The following SHPRH variants were observed in gnomAD, a reference collection of about 807,000 sequenced individuals.
The protein encoded by SHPRH is E3 ubiquitin-protein ligase SHPRH.
In SHPRH, 106 loss-of-function variants were observed where a neutral mutation model predicts 202.5. The ratio of observed to expected loss-of-function variants is 0.52; its 90% CI spans 0.45 to 0.62. The LOEUF is 0.62. Among genes scored for constraint, SHPRH ranks in the 20% least tolerant of loss-of-function variants. The pLI is 0.00. For synonymous variants in SHPRH, 729 were observed against 686.0 expected, an observed-to-expected ratio of 1.06 and a Z score of -0.98; for missense variants, 1,710 against 2,020.0, an observed-to-expected ratio of 0.85 and a Z score of 2.94.
In SHPRH at chr6:145,948,389, T is replaced by G. The variant is rs1787618207; in HGVS notation, c.983-39A>C. 6 of 1,500,788 alleles carry G rather than the reference T, an allele frequency of 4.0e-6. No individual in the cohort carries two copies. In the South Asian group the frequency reaches 7.3e-5, roughly 18 times the overall value. 93.0% of individuals were successfully genotyped at this position (1,500,788 alleles called of 1,614,324 possible). ...TAATCATAATAACAAATTTTTGTTT[T>G]CCCTTCAGTCAGATAATCACATTAA... On this transcript the variant is annotated intron_variant, in intron 4 of 29. Transcript: ENST00000275233.
At position 145,947,507 on chromosome 6, in the gene SHPRH, G is replaced by C. The variant is rs776000534; in HGVS notation, c.1198C>G (p.Leu400Val). ...HTRQDVKQDA[L>V]TLPEGKVVNY... ...TACCCTCCTACCTCGGGAAGAGTGA[G>C]AGCATCTTGCTTGACATCTTGTCGA... The change falls in exon 6 of 30, where the codon CTC becomes GTC. Residue 400 changes from leucine to valine, a missense_variant. This residue lies in a region of SHPRH where 348 missense variants were observed against 356.9 expected (regional missense o/e 0.97). Coordinates refer to ENST00000275233, the MANE Select transcript of SHPRH (RefSeq NM_001042683.3). 3.8e-5 allele frequency: 61 copies of C among 1,612,510 alleles called. No homozygotes were observed. The highest frequency in any genetic ancestry group is 4.9e-5 in the Non-Finnish European group (58 of 1,179,072).
chr6:145,909,102 T>C (rs541131307), intron 25 of SHPRH: 2 of 152,284 alleles, frequency 1.3e-5, no homozygotes, highest in East Asian at 3.9e-4. Context: ...CATTCGCCTA[T>C]ATGTCTGTTT....
downstream of SHPRH, among the ~76,000 whole-genome samples, chr6:145,881,814 GA>G (rs1438805929): frequency 6.6e-6 from 1 of 151,978 alleles, no homozygotes; most frequent in East Asian, 1.9e-4. Context: ...GAAAGGAAGG[GA>G]AAAAAAGAGA....
At position 145,952,337 on chromosome 6, in the gene SHPRH, T is replaced by C. The variant is rs1334475044; in HGVS notation, c.763+12A>G. ...AAGTAATAGCAATTTTTAAGTTTAC[T>C]GTAAATATTACCTGGAATAATAGAA... is the stretch of plus-strand genomic sequence containing the variant. On this transcript the variant is annotated intron_variant, in intron 3 of 29. Transcript: ENST00000275233. The C allele has an allele frequency of 6.3e-7, 1 of 1,583,732 alleles. No individual in the cohort carries two copies. Among genetic ancestry groups the C allele is most frequent in the Non-Finnish European group, 8.6e-7 (1 of 1,165,506 alleles).
At chr6:145,951,950 C>A (rs1369495981) in intron 3 of SHPRH, 1 of 454,640 alleles carries the variant, frequency 2.2e-6, no homozygotes, top group Non-Finnish European at 4.4e-6. Context: ...GCAAAGTTAT[C>A]TGGTCTTTAT....
In SHPRH at chr6:145,935,152, T is replaced by G. The variant is rs1785927382; in HGVS notation, c.2745A>C (p.Pro915=). The part of the protein sequence containing the change: ...KKDVIDQIQI[P]PQTEEIHWLH... ...GCCAGTGTATTTCTTCGGTTTGTGGTGGTATTTGGATCTGTGAAAAGGAGC... is the reference window on the plus strand; with the variant it reads ...GCCAGTGTATTTCTTCGGTTTGTGGGGGTATTTGGATCTGTGAAAAGGAGC... Residue 915 remains proline (P), a synonymous_variant, in exon 13 of 30, where the codon CCA becomes CCC. Coordinates refer to ENST00000275233, the MANE Select transcript of SHPRH (RefSeq NM_001042683.3). 1 of 1,613,082 alleles carries G rather than the reference T, an allele frequency of 6.2e-7. No homozygotes were observed. The highest frequency in any genetic ancestry group is 8.5e-7 in the Non-Finnish European group (1 of 1,179,840).
intron 2 of SHPRH, among the ~76,000 whole-genome samples, chr6:145,869,816 TTTC>T (rs1342790319): frequency 4.7e-4 from 61 of 131,118 alleles, no homozygotes; most frequent in Non-Finnish European, 8.6e-4. Flanking sequence ...TGGTTTTTCT[TTTC>T]TTTTTTTTTT....
intron 2 of SHPRH, among the ~76,000 whole-genome samples, chr6:145,865,713 G>A (rs570022276): frequency 3.9e-4 from 59 of 152,316 alleles, no homozygotes; most frequent in Non-Finnish European, 4.9e-4. Flanking sequence ...GCAGAGGCCC[G>A]GGCAATCTCT....
intron 11 of SHPRH, among the ~76,000 whole-genome samples, chr6:145,936,978 C>CTTTTTTTTTT (rs1206387630): frequency 8.0e-6 from 1 of 125,662 alleles, no homozygotes; most frequent in East Asian, 2.3e-4. Context: ...CATGCTTCAT[C>CTTTTTTTTTT]TTTTTTTTTT....
intron 25 of SHPRH, chr6:145,903,510 C>G (rs183289285): frequency 6.6e-6 from 1 of 152,016 alleles, no homozygotes; most frequent in Admixed American, 6.6e-5. Context: ...GATTTCTGGA[C>G]CACATCCCAG....
chr6:145,900,805 G>C (rs761513582), intron 25 of SHPRH, among the ~76,000 whole-genome samples: 1 of 152,004 alleles, frequency 6.6e-6, no homozygotes, highest in Admixed American at 6.6e-5. Context: ...AATTATTATA[G>C]TGTCTTTTAA....
intron 28 of SHPRH, among the ~76,000 whole-genome samples, chr6:145,889,128 A>G (rs1411622218): frequency 6.6e-6 from 1 of 152,140 alleles, no homozygotes; most frequent in Non-Finnish European, 1.5e-5. Flanking sequence ...CTGGGACAGG[A>G]GCTATATGGG....
At chr6:145,926,340 A>G (rs1221382804) in intron 15 of SHPRH, 44 bp from the exon 16 acceptor site, 2 of 1,504,568 alleles carry the variant, frequency 1.3e-6, no homozygotes, top group East Asian at 2.3e-5. Flanking sequence ...TCAATGCAGA[A>G]GACTCTGAAG....
rs1783407847 is a variant in SHPRH, at chr6:145,910,630, C to A, written c.4333G>T (p.Val1445Leu). The change falls in exon 25 of 30, where the codon GTA becomes TTA. Residue 1445 changes from valine (V) to leucine (L), a missense_variant. Transcript: ENST00000275233. The stretch of plus-strand genomic sequence containing the variant: ...CAGAAACAGTGACCACAGGTCAGTA[C>A]CGCCCACTAAAAAGAAAACAGAACA... ...CARQLGKQWAVLTCGHCFCNE... is the reference protein window; with the variant it reads ...CARQLGKQWALLTCGHCFCNE... 2 of 1,604,474 alleles carry A rather than the reference C, an allele frequency of 1.2e-6. No individual in the cohort carries two copies. Among genetic ancestry groups the A allele is most frequent in the Admixed American group, 1.7e-5 (1 of 59,478 alleles).
chr6:145,898,577 C>T (rs1782216565), intron 25 of SHPRH, among the ~76,000 whole-genome samples: 1 of 152,032 alleles, frequency 6.6e-6, no homozygotes, highest in Non-Finnish European at 1.5e-5. Flanking sequence ...GGGGTGGATC[C>T]TTTATGAATG....
At chr6:145,928,798 C>T (rs549950012) in intron 14 of SHPRH, among the ~76,000 whole-genome samples, 46 of 152,054 alleles carry the variant, frequency 3.0e-4, no homozygotes, top group African/African-American at 1.1e-3. Context: ...CTTTCTAAAA[C>T]ACACATTATC....
chr6:145,925,653 C>T lies in SHPRH; in HGVS notation c.3294+551G>A, dbSNP rs111296259. On this transcript the variant is annotated intron_variant, in intron 16 of 29. Transcript: ENST00000275233. Reference sequence around the variant, plus strand: ...TTGATTTTAGCTCTTTAATGTTTAACAACAGCAAAAATCCCTGGAAGAATC... The same window carrying T: ...TTGATTTTAGCTCTTTAATGTTTAATAACAGCAAAAATCCCTGGAAGAATC... 7.9e-3 allele frequency among the ~76,000 whole-genome samples: 1,202 copies of T among 151,904 alleles called. 10 individuals are homozygous for T. Among genetic ancestry groups the T allele is most frequent in the African/African-American group, 0.027 (1,137 of 41,458 alleles).
At chr6:145,888,578 C>A (rs1335069236) in intron 28 of SHPRH, among the ~76,000 whole-genome samples, 1 of 152,112 alleles carries the variant, frequency 6.6e-6, no homozygotes, top group Non-Finnish European at 1.5e-5. Context: ...GTGCAGGGGC[C>A]AGGTCACACA....
the SHPRH span, among the ~76,000 whole-genome samples, chr6:145,857,872 TAAG>T: frequency 6.6e-6 from 1 of 152,042 alleles, no homozygotes; most frequent in Non-Finnish European, 1.5e-5. Flanking sequence ...TACTCAACCA[TAAG>T]AAATCAATCA....
Sources: allele counts gnomAD v4.1 joint callset (sites outside exome capture counted in the v4.1 genomes callset), GRCh38; gene constraint gnomAD v4.1.1; regional missense constraint gnomAD v4.1.1; transcripts MANE v1.5; gene names NCBI Gene and HGNC (gene_info 2026-07-23, HGNC 2026-07-21).